Variants in ALK observed in about 807,000 individuals in gnomAD.
ALK encodes ALK receptor tyrosine kinase.
A neutral mutation model predicts 163.1 loss-of-function variants in ALK; 74 were observed. The observed-to-expected ratio is 0.45, with a 90% confidence interval of 0.38 to 0.55. The LOEUF (loss-of-function observed/expected upper bound fraction) is 0.55, where lower values mean the gene tolerates loss of function less well. Ranked by LOEUF, ALK falls within the 20% of genes least tolerant of loss-of-function variation. The pLI, the probability that ALK is intolerant of heterozygous loss-of-function variation, is 0.00. For missense variants in ALK, 2,063 were observed against 2,105.3 expected (o/e 0.98, Z 0.39); for synonymous variants, 960 against 843.2 (o/e 1.14, Z -2.40).
intron 26 of ALK, among the ~76,000 whole-genome samples, chr2:29,200,786 T>C (rs1431901599): frequency 1.4e-5 from 2 of 143,084 alleles, no homozygotes; most frequent in Non-Finnish European, 3.0e-5. Flanking sequence ...TATATATGTA[T>C]ATACATGTAT....
chr2:29,311,621 T>G (rs1666695921), intron 8 of ALK, among the ~76,000 whole-genome samples: 1 of 152,204 alleles, frequency 6.6e-6, no homozygotes, highest in South Asian at 2.1e-4. Context: ...CTCCCTGCCT[T>G]GAGTGACCTC....
chr2:29,731,371 A>T (rs1679737346), intron 1 of ALK, among the ~76,000 whole-genome samples: 1 of 152,178 alleles, frequency 6.6e-6, no homozygotes, highest in Non-Finnish European at 1.5e-5. Flanking sequence ...TGTCCCCTTC[A>T]ATCATGGTGG....
intron 9 of ALK, among the ~76,000 whole-genome samples, chr2:29,276,808 T>C (rs1241479260): frequency 6.6e-6 from 1 of 152,170 alleles, no homozygotes; most frequent in Non-Finnish European, 1.5e-5. Context: ...AGAAAGCAGA[T>C]TAGTGGTTGT....
intron 1 of ALK, among the ~76,000 whole-genome samples, chr2:29,913,703 CTT>C (rs1349950137): frequency 5.9e-5 from 9 of 152,288 alleles, no homozygotes; most frequent in East Asian, 3.9e-4. Flanking sequence ...TTCTTAGCCT[CTT>C]TTTTTAGATT....
At chr2:29,771,821 A>G (rs986412053) in intron 1 of ALK, among the ~76,000 whole-genome samples, 4 of 152,214 alleles carry the variant, frequency 2.6e-5, no homozygotes, top group Admixed American at 6.5e-5. Flanking sequence ...GGCATGAGCC[A>G]CTGCGCCCAG....
At chr2:29,844,363 G>A (rs147954073) in intron 1 of ALK, among the ~76,000 whole-genome samples, 6 of 152,114 alleles carry the variant, frequency 3.9e-5, no homozygotes, top group African/African-American at 7.2e-5. Flanking sequence ...CATGTACCTC[G>A]TGTGCCATTT....
chr2:29,335,266 G>T (rs183076555), intron 5 of ALK, among the ~76,000 whole-genome samples: 99 of 152,182 alleles, frequency 6.5e-4, no homozygotes, highest in Admixed American at 2.0e-3. Flanking sequence ...CCTTTCTACG[G>T]GAATTTACAT....
intron 8 of ALK, among the ~76,000 whole-genome samples, chr2:29,315,483 G>T (rs2148245671): frequency 6.6e-6 from 1 of 152,240 alleles, no homozygotes; most frequent in East Asian, 1.9e-4. Context: ...GCCACAGACA[G>T]GAGGAAAACT....
intron 3 of ALK, among the ~76,000 whole-genome samples, chr2:29,646,035 A>G (rs1422178944): frequency 1.3e-5 from 2 of 152,032 alleles, no homozygotes; most frequent in Non-Finnish European, 2.9e-5. Context: ...TTCAGCCGAG[A>G]CCACTGCCCT....
intron 1 of ALK, among the ~76,000 whole-genome samples, chr2:29,902,413 C>T (rs538345495): frequency 6.6e-6 from 1 of 152,198 alleles, no homozygotes; most frequent in African/African-American, 2.4e-5. Context: ...TCTTCCCTCT[C>T]CTCCACCCCA....
At chr2:29,646,808 C>T (rs1410784253) in intron 3 of ALK, among the ~76,000 whole-genome samples, 1 of 152,192 alleles carries the variant, frequency 6.6e-6, no homozygotes, top group African/African-American at 2.4e-5. Flanking sequence ...AATTGCACCA[C>T]ACCACTCCTG....
In ALK at chr2:29,229,494, C is replaced by G. The variant is rs76230440; in HGVS notation, c.2633-428G>C. Among the ~76,000 whole-genome samples, 645 of 152,312 alleles carry G rather than the reference C, an allele frequency of 4.2e-3. 16 individuals carry two copies. The highest frequency in any genetic ancestry group is 0.035 in the Admixed American group (532 of 15,294). ...CCTCCCGTCCTAACGAGAAAAGGGA[C>G]TCACCAGTCTTTGAGCAGCCACATG... On this transcript the variant is annotated intron_variant, in intron 15 of 28. Transcript: ENST00000389048.
At chr2:29,894,806 T>C (rs144134354) in intron 1 of ALK, among the ~76,000 whole-genome samples, 45 of 151,622 alleles carry the variant, frequency 3.0e-4, no homozygotes, top group Admixed American at 4.6e-4. Flanking sequence ...GGGAACATAC[T>C]AGTATCTGTG....
intron 3 of ALK, among the ~76,000 whole-genome samples, chr2:29,595,240 C>T (rs894016897): frequency 3.9e-5 from 6 of 151,900 alleles, no homozygotes; most frequent in African/African-American, 1.4e-4. Flanking sequence ...GCTAAAGTCG[C>T]ACATGGTTTC....
At chr2:29,542,910 C>A (rs1673451059) in intron 3 of ALK, among the ~76,000 whole-genome samples, 1 of 152,060 alleles carries the variant, frequency 6.6e-6, no homozygotes, top group Admixed American at 6.6e-5. Flanking sequence ...AATTTAATTA[C>A]CCCATGCTTA....
intron 3 of ALK, among the ~76,000 whole-genome samples, chr2:29,566,114 GCCAGGGCCACCCAC>G (rs1015977186): frequency 5.9e-5 from 9 of 152,172 alleles, no homozygotes; most frequent in African/African-American, 1.2e-4. Context: ...GAAGTTTGGA[GCCAGGGCCACCCAC>G]CCAGGGTCAC....
At chr2:29,417,542 G>A (rs1669910545) in intron 4 of ALK, among the ~76,000 whole-genome samples, 1 of 152,116 alleles carries the variant, frequency 6.6e-6, no homozygotes, top group African/African-American at 2.4e-5. Flanking sequence ...TAATCACTTA[G>A]TTCCCCAGAT....
chr2:29,680,462 G>C (rs991841974), intron 3 of ALK, among the ~76,000 whole-genome samples: 9 of 151,928 alleles, frequency 5.9e-5, no homozygotes, highest in African/African-American at 2.2e-4. Flanking sequence ...ATCTGCTGTT[G>C]AGCTGGTCTA....
intron 1 of ALK, among the ~76,000 whole-genome samples, chr2:29,837,441 G>A (rs778285230): frequency 2.0e-5 from 3 of 152,152 alleles, no homozygotes; most frequent in Non-Finnish European, 4.4e-5. Context: ...CACATGTGCA[G>A]TATAAGACTT....
Sources: gnomAD v4.1 joint callset for allele counts (sites outside exome capture counted in the v4.1 genomes callset) on GRCh38, gnomAD v4.1.1 for gene constraint, MANE v1.5 for transcripts, NCBI Gene and HGNC (gene_info 2026-07-23, HGNC 2026-07-21) for gene names.